CTDSPL: variants seen among roughly 807,000 people sequenced by gnomAD.
CTDSPL encodes CTD small phosphatase-like protein.
A neutral mutation model predicts 30.5 loss-of-function variants in CTDSPL; 8 were observed. The observed-to-expected ratio is 0.26, with a 90% CI of 0.15 to 0.47. CTDSPL has a LOEUF of 0.47. Ranked by LOEUF, CTDSPL falls within the 20% of genes least tolerant of loss-of-function variation. CTDSPL has a pLI of 0.99. For missense variants in CTDSPL, 248 were observed against 366.1 expected (o/e 0.68, Z 2.63); for synonymous variants, 110 against 137.9 (o/e 0.80, Z 1.42).
chr3:37,889,915 A>G (rs1232091508), intron 1 of CTDSPL, among the ~76,000 whole-genome samples: 5 of 152,230 alleles, frequency 3.3e-5, no homozygotes, highest in Non-Finnish European at 5.9e-5. Context: ...AATCAAGTGT[A>G]AAGACAGAAC....
At chr3:37,946,950 T>A (rs2125622395) in intron 1 of CTDSPL, 107 bp from the exon 2 acceptor site, 1 of 1,252,676 alleles carries the variant, frequency 8.0e-7, no homozygotes, top group Non-Finnish European at 1.1e-6. Context: ...CCCTCAGGGC[T>A]GGAATCTGGG....
Position 37,862,772 on chromosome 3 carries a change from G to A in CTDSPL, c.79+494G>A, listed in dbSNP as rs56069365. Among the ~76,000 whole-genome samples the A allele has an allele frequency of 0.12, 18,129 of 152,166 alleles. 1,360 individuals are homozygous for A. The highest frequency in any genetic ancestry group is 0.22 in the Middle Eastern group (66 of 294). ...TTGTGTGTATTAGAGGTTTGTATGG[G>A]CCTGACTGAGGGGTTGTGGAATGTG... On this transcript the variant is annotated intron_variant, in intron 1 of 7. Coordinates refer to ENST00000273179, the MANE Select transcript of CTDSPL (RefSeq NM_001008392.2). The surrounding 1 kb of genome is among the most constrained non-coding windows in gnomAD (Gnocchi z 4.3).
chr3:37,890,897 G>A (rs1277702376), intron 1 of CTDSPL, among the ~76,000 whole-genome samples: 3 of 152,166 alleles, frequency 2.0e-5, no homozygotes, highest in Non-Finnish European at 4.4e-5. Context: ...TTTAGAAAAC[G>A]GTTTTGCCAC....
intron 1 of CTDSPL, among the ~76,000 whole-genome samples, chr3:37,887,750 C>T (rs768934766): frequency 1.1e-4 from 17 of 152,246 alleles, no homozygotes; most frequent in Non-Finnish European, 1.9e-4. Flanking sequence ...ACTCAGTATG[C>T]GTCTGTGCAG....
intron 1 of CTDSPL, among the ~76,000 whole-genome samples, chr3:37,912,441 T>C (rs1698594414): frequency 6.6e-6 from 1 of 152,140 alleles, no homozygotes; most frequent in South Asian, 2.1e-4. Flanking sequence ...ACAAACTAGG[T>C]GTTAGGCAGG....
chr3:37,946,749 C>A (rs1485173689), intron 1 of CTDSPL, among the ~76,000 whole-genome samples: 1 of 152,134 alleles, frequency 6.6e-6, no homozygotes, highest in East Asian at 1.9e-4. Flanking sequence ...TTCAGGAATG[C>A]AGATGGGGAC....
intron 1 of CTDSPL, among the ~76,000 whole-genome samples, chr3:37,914,956 A>G (rs1464430153): frequency 2.9e-5 from 4 of 139,694 alleles, no homozygotes; most frequent in African/African-American, 8.3e-5. Context: ...ATCAAGGCTC[A>G]CTGCAGCCTC....
chr3:37,910,589 G>C (rs1423385641), intron 1 of CTDSPL, among the ~76,000 whole-genome samples: 1 of 152,174 alleles, frequency 6.6e-6, no homozygotes, highest in Non-Finnish European at 1.5e-5. Context: ...AAATTTCTCA[G>C]TTCATTAGAA....
chr3:37,979,262 A>T (rs1039698923), intron 7 of CTDSPL, among the ~76,000 whole-genome samples: 1 of 151,868 alleles, frequency 6.6e-6, no homozygotes, highest in Non-Finnish European at 1.5e-5. Context: ...TAGGAGTTTG[A>T]AACCAGCCTG....
At chr3:37,864,177 G>A (rs748539052) in intron 1 of CTDSPL, among the ~76,000 whole-genome samples, 3 of 152,158 alleles carry the variant, frequency 2.0e-5, no homozygotes, top group African/African-American at 4.8e-5. Flanking sequence ...AGCTCTTTGA[G>A]GAGAGGTGTG....
chr3:37,975,938 CCT>C lies in CTDSPL; in HGVS notation c.705+47_705+48del. ...AGAAAATGTCGTGCTCCATCTGAGC[CCT>C]CTGTCTTGCCAGGCAGGTACCACTT... On this transcript the variant is annotated intron_variant, in intron 7 of 7. Coordinates refer to ENST00000273179, the MANE Select transcript of CTDSPL (RefSeq NM_001008392.2). This position sits in a 1 kb window ranked among gnomAD's most constrained non-coding sequence, Gnocchi z 4.9. 6.3e-7 allele frequency: 1 copy of C among 1,586,450 alleles called. No homozygotes were observed. The highest frequency in any genetic ancestry group is 8.6e-7 in the Non-Finnish European group (1 of 1,160,676).
chr3:37,973,886 G>A (rs974095422), intron 6 of CTDSPL, among the ~76,000 whole-genome samples: 1 of 152,232 alleles, frequency 6.6e-6, no homozygotes, highest in Non-Finnish European at 1.5e-5. Flanking sequence ...ACTCTTGAAA[G>A]ATAGGTGCTA....
intron 1 of CTDSPL, among the ~76,000 whole-genome samples, chr3:37,863,594 C>G (rs1296694244): frequency 6.6e-6 from 1 of 152,234 alleles, no homozygotes; most frequent in Non-Finnish European, 1.5e-5. Context: ...TGACCCCTCT[C>G]CAGGCCGGAG....
chr3:37,886,826 C>G (rs1049635890), intron 1 of CTDSPL, among the ~76,000 whole-genome samples: 16 of 152,318 alleles, frequency 1.1e-4, no homozygotes, highest in African/African-American at 3.6e-4. Context: ...AATCCACACT[C>G]CTAAGCCCAA....
chr3:37,914,873 CT>C (rs11304152), intron 1 of CTDSPL, among the ~76,000 whole-genome samples: 29,540 of 49,630 alleles, frequency 0.6, 8,192 homozygotes, highest in East Asian at 0.77. Context: ...TATATATGTT[CT>C]TTTTTTTTTT....
Position 37,930,883 on chromosome 3 carries a change from A to G in CTDSPL, c.80-16174A>G, listed in dbSNP as rs115234518. 4.0e-3 allele frequency among the ~76,000 whole-genome samples: 610 copies of G among 152,298 alleles called. 3 individuals are homozygous for G. The highest frequency in any genetic ancestry group is 0.014 in the African/African-American group (582 of 41,558). Reference sequence around the variant, plus strand: ...ATGTATTTGGGTGCTCTGATGTTATATCTTCCTGGTGAACATATAACTCCT... The same window carrying G: ...ATGTATTTGGGTGCTCTGATGTTATGTCTTCCTGGTGAACATATAACTCCT... On this transcript the variant is annotated intron_variant, in intron 1 of 7. Transcript: ENST00000273179.
intron 1 of CTDSPL, among the ~76,000 whole-genome samples, chr3:37,874,726 C>T (rs2125589694): frequency 6.6e-6 from 1 of 151,854 alleles, no homozygotes; most frequent in East Asian, 1.9e-4. Flanking sequence ...GAGACTCTGT[C>T]TCAAAAAATA....
intron 1 of CTDSPL, among the ~76,000 whole-genome samples, chr3:37,881,094 T>C (rs1698198696): frequency 6.6e-6 from 1 of 151,858 alleles, no homozygotes; most frequent in African/African-American, 2.4e-5. Flanking sequence ...TGGAAGAAGC[T>C]TCATAAGATG....
At chr3:37,944,556 TGCTG>T in intron 1 of CTDSPL, among the ~76,000 whole-genome samples, 1 of 150,160 alleles carries the variant, frequency 6.7e-6, no homozygotes, top group East Asian at 2.0e-4. Context: ...AACAAGTGAA[TGCTG>T]AGGGTGGGTG....
Sources: gnomAD v4.1 joint callset for allele counts (sites outside exome capture counted in the v4.1 genomes callset) on GRCh38, gnomAD v4.1.1 for gene constraint, Gnocchi (gnomAD v3.1) non-coding constraint, MANE v1.5 for transcripts, NCBI Gene and HGNC (gene_info 2026-07-23, HGNC 2026-07-21) for gene names.